ELP1: variants seen among roughly 807,000 people sequenced by gnomAD.
ELP1 encodes elongator acetyltransferase complex subunit 1, also known as elongator complex protein 1.
A neutral mutation model predicts 183.2 loss-of-function variants in ELP1; 131 were observed. That is an observed-to-expected ratio of 0.72 (90% CI 0.62 to 0.83). The LOEUF (loss-of-function observed/expected upper bound fraction) is 0.83, where lower values mean the gene tolerates loss of function less well. ELP1 is among the 40% of genes least tolerant of loss of function. The pLI is 0.00. For synonymous variants in ELP1, 555 were observed against 569.0 expected, an observed-to-expected ratio of 0.98 and a Z score of 0.35; for missense variants, 1,550 against 1,594.9, an observed-to-expected ratio of 0.97 and a Z score of 0.48.
At chr9:108,910,831 A>AG (rs935634377) in intron 12 of ELP1, among the ~76,000 whole-genome samples, 179 bp downstream of exon 12, 1 of 13,008 alleles carries the variant, frequency 7.7e-5, no homozygotes, top group Non-Finnish European at 1.3e-4. Flanking sequence ...GTATAGGATT[A>AG]AAAAAAAAAA....
intron 29 of ELP1, among the ~76,000 whole-genome samples, chr9:108,882,635 C>T (rs1827977648): frequency 6.7e-6 from 1 of 149,124 alleles, no homozygotes; most frequent in Non-Finnish European, 1.5e-5. Flanking sequence ...CACTCTGTCG[C>T]CCAGGCTGGG....
intron 1 of ELP1, 67 bp from the exon 2 acceptor site, chr9:108,931,268 G>A (rs1001479083): frequency 9.7e-7 from 1 of 1,033,170 alleles, no homozygotes; most frequent in Non-Finnish European, 1.5e-6. Flanking sequence ...ATGATTCAGG[G>A]GGTGAAGAAG....
At chr9:108,875,062 G>T in intron 35 of ELP1, 92 bp from the exon 36 acceptor site, 2 of 832,214 alleles carry the variant, frequency 2.4e-6, no homozygotes, top group Non-Finnish European at 4.2e-6. Flanking sequence ...CCAGAAAACA[G>T]CCTGTCATTT....
intron 29 of ELP1, among the ~76,000 whole-genome samples, chr9:108,882,792 T>G (rs565476050): frequency 6.6e-6 from 1 of 152,026 alleles, no homozygotes; most frequent in Non-Finnish European, 1.5e-5. Flanking sequence ...AGGGTCTCAC[T>G]ATGTTGTCCA....
intron 25 of ELP1, among the ~76,000 whole-genome samples, chr9:108,895,325 T>A (rs1215834649): frequency 6.6e-6 from 1 of 152,078 alleles, no homozygotes; most frequent in African/African-American, 2.4e-5. Context: ...GAGGGTCACC[T>A]CACCCAGTCC....
At chr9:108,927,225 A>G in intron 4 of ELP1, 147 bp downstream of exon 4, 1 of 680,968 alleles carries the variant, frequency 1.5e-6, no homozygotes, top group Admixed American at 2.4e-5. Context: ...ACACACATAC[A>G]TAATTGGTAT....
At chr9:108,891,155 A>G (rs766288449) in intron 28 of ELP1, 48 bp downstream of exon 28, 1 of 1,580,982 alleles carries the variant, frequency 6.3e-7, no homozygotes, top group Non-Finnish European at 8.7e-7. Flanking sequence ...AAAGAAATAA[A>G]TTTTTTAAAA....
intron 35 of ELP1, among the ~76,000 whole-genome samples, chr9:108,876,148 C>T (rs1310807655): frequency 3.3e-5 from 5 of 151,962 alleles, no homozygotes; most frequent in Admixed American, 6.6e-5. Flanking sequence ...TTGTGGCATG[C>T]GCCTGTAGTC....
In ELP1 at chr9:108,874,610, G is replaced by C. The variant is rs117414549; in HGVS notation, c.3931+285C>G. 3.7e-3 allele frequency among the ~76,000 whole-genome samples: 562 copies of C among 152,256 alleles called. 4 individuals are homozygous for C. Among genetic ancestry groups the C allele is most frequent in the Middle Eastern group, 6.8e-3 (2 of 294 alleles). On this transcript the variant is annotated intron_variant, in intron 36 of 36. Coordinates refer to ENST00000374647, the MANE Select transcript of ELP1 (RefSeq NM_003640.5). ...ATGTAGACAGTTTAGACTGAAACTG[G>C]AACTGTGGTGTGCCTTTATGAACAA...
At chr9:108,896,855 A>C in intron 24 of ELP1, 98 bp downstream of exon 24, 1 of 1,212,428 alleles carries the variant, frequency 8.2e-7, no homozygotes, top group Non-Finnish European at 1.2e-6. Flanking sequence ...GTCACATGTT[A>C]AATCTGTGGT....
rs997755887 is a variant in ELP1, at chr9:108,868,743, G to A, written c.*372C>T. The A allele has an allele frequency of 3.7e-6, 2 of 544,264 alleles. No homozygotes were observed. The highest frequency in any genetic ancestry group is 5.7e-5 in the East Asian group (2 of 34,960). The allele number at this position is 544,264 out of a possible 1,614,324, so 33.7% of individuals were successfully genotyped here. ...ACTAATAGCCATTGTAATCTTCTCC[G>A]CCAACAAAATAAGACAATTTAGAAA... On this transcript the variant is annotated 3_prime_UTR_variant, in exon 37 of 37. Transcript: ENST00000374647.
chr9:108,904,138 CAT>C (rs1317619039), intron 14 of ELP1, among the ~76,000 whole-genome samples: 2 of 152,126 alleles, frequency 1.3e-5, no homozygotes, highest in African/African-American at 2.4e-5. Context: ...CTATCACTAT[CAT>C]ATCGATTGAT....
At chr9:108,902,805 C>T (rs1564089218) in intron 16 of ELP1, 34 bp downstream of exon 16, 2 of 1,532,214 alleles carry the variant, frequency 1.3e-6, no homozygotes, top group Non-Finnish European at 1.8e-6. Flanking sequence ...TGGGTAACTA[C>T]TTTAAGTAAA....
chr9:108,872,737 G>A (rs987262931), intron 36 of ELP1, among the ~76,000 whole-genome samples: 5 of 142,856 alleles, frequency 3.5e-5, no homozygotes, highest in Non-Finnish European at 6.0e-5. Context: ...CCCGGGAGGC[G>A]GAGCTTGCAG....
rs1342930158 is a variant in ELP1 at position 108,897,198 on chromosome 9, G to C, written c.2451C>G (p.Asp817Glu). 6.2e-7 allele frequency: 1 copy of C among 1,613,966 alleles called. No individual in the cohort carries two copies. Among genetic ancestry groups the C allele is most frequent in the African/African-American group, 1.3e-5 (1 of 74,874 alleles). Residue 817 changes from aspartate (D) to glutamate (E), a missense_variant, in exon 23 of 37, where the codon GAC (aspartate) becomes GAG (glutamate). Transcript: ENST00000374647. Reference protein sequence around the residue: ...LSRDPDGNKIDLVCDAMRAVM... With the variant: ...LSRDPDGNKIELVCDAMRAVM... ...CTGCTCTCATAGCATCGCAGACAAG[G>C]TCTATTTTATTCCCGTCAGGATCCC...
At chr9:108,891,651 C>G (rs1466122250) in intron 27 of ELP1, among the ~76,000 whole-genome samples, 3 of 152,174 alleles carry the variant, frequency 2.0e-5, no homozygotes. Flanking sequence ...ATGGATACTA[C>G]AGCAAGGCAA....
intron 6 of ELP1, among the ~76,000 whole-genome samples, chr9:108,920,715 C>T (rs1427040538): frequency 2.6e-5 from 4 of 152,222 alleles, no homozygotes; most frequent in African/African-American, 9.6e-5. Flanking sequence ...CTGCCTACTC[C>T]ATGGATTTTT....
chr9:108,917,084 T>A (rs186394264), intron 9 of ELP1, among the ~76,000 whole-genome samples: 1 of 152,222 alleles, frequency 6.6e-6, no homozygotes, highest in Admixed American at 6.5e-5. Flanking sequence ...AAAAACAATA[T>A]TTTATTAAAT....
At position 108,879,567 on chromosome 9, in the gene ELP1, A is replaced by G; in HGVS notation, c.3461-10T>C. 6.3e-7 allele frequency: 1 copy of G among 1,595,290 alleles called. No individual in the cohort carries two copies. The highest frequency in any genetic ancestry group is 8.6e-7 in the Non-Finnish European group (1 of 1,163,054). ...TGGGGTACCTCATCATCTAGAAAAG[A>G]AGAACCAGAAGCCGATGAAAACACT... On this transcript the variant is annotated splice_polypyrimidine_tract_variant and intron_variant, in intron 32 of 36. Coordinates refer to ENST00000374647, the MANE Select transcript of ELP1 (RefSeq NM_003640.5).
Sources: gnomAD v4.1 joint callset for allele counts (sites outside exome capture counted in the v4.1 genomes callset) on GRCh38, gnomAD v4.1.1 for gene constraint, MANE v1.5 for transcripts, NCBI Gene and HGNC (gene_info 2026-07-23, HGNC 2026-07-21) for gene names.